The following GALNT17 variants were observed in gnomAD, a reference collection of about 807,000 sequenced individuals.
GALNT17 encodes UDP-GalNAc:polypeptide N-acetylgalactosaminyltransferase-like 3.
A neutral mutation model predicts 63.7 loss-of-function variants in GALNT17; 29 were observed. That is an observed-to-expected ratio of 0.46 (90% CI 0.34 to 0.62). The LOEUF (loss-of-function observed/expected upper bound fraction) is 0.62, where lower values mean the gene tolerates loss of function less well. Ranked by LOEUF, GALNT17 falls within the 20% of genes least tolerant of loss-of-function variation. The probability of loss-of-function intolerance (pLI) is 0.01; values close to 1 mark genes in which losing one functional copy is unlikely to be tolerated. For missense variants in GALNT17, 603 were observed against 799.6 expected (o/e 0.75, Z 2.97); for synonymous variants, 305 against 318.3 (o/e 0.96, Z 0.45).
At chr7:71,557,989 G>A (rs1015174277) in intron 5 of GALNT17, among the ~76,000 whole-genome samples, 1 of 152,002 alleles carries the variant, frequency 6.6e-6, no homozygotes, top group Admixed American at 6.6e-5. Context: ...CAGGAGAATG[G>A]TTTGAACCCA....
chr7:71,616,329 A>G (rs1340693323), intron 6 of GALNT17, among the ~76,000 whole-genome samples: 1 of 151,098 alleles, frequency 6.6e-6, no homozygotes, highest in East Asian at 1.9e-4. Flanking sequence ...TCTTGTCCTC[A>G]CTCGCTCCTC....
intron 3 of GALNT17, among the ~76,000 whole-genome samples, chr7:71,407,529 C>G (rs911795121): frequency 6.6e-6 from 1 of 152,164 alleles, no homozygotes. Context: ...AGGAGCATCA[C>G]TTGAGCCCAG....
intron 6 of GALNT17, among the ~76,000 whole-genome samples, chr7:71,602,745 T>C (rs959466600): frequency 1.6e-4 from 24 of 152,104 alleles, no homozygotes; most frequent in African/African-American, 5.8e-4. Flanking sequence ...CAGTGAAATA[T>C]CTGTGTGAGT....
intron 5 of GALNT17, among the ~76,000 whole-genome samples, chr7:71,486,454 G>A (rs1787911817): frequency 6.6e-6 from 1 of 151,324 alleles, no homozygotes; most frequent in African/African-American, 2.4e-5. Context: ...ATGACTTCCT[G>A]GATTGTTGAG....
rs557008654 is a variant in GALNT17, at chr7:71,153,764, A to G, written c.238+20724A>G. ...AAACCCAGTCTCTACTAAAAATACA[A>G]AAATTAGCCAGTCGTGGTGGCGGGC... On this transcript the variant is annotated intron_variant, in intron 1 of 10. Coordinates refer to ENST00000333538, the MANE Select transcript of GALNT17 (RefSeq NM_022479.3). Among the ~76,000 whole-genome samples, 14 of 152,102 alleles carry G rather than the reference A, an allele frequency of 9.2e-5. No individual in the cohort carries two copies. The South Asian group carries it at 2.7e-3, about 29-fold the overall frequency.
chr7:71,258,187 T>C (rs538594752), intron 1 of GALNT17, among the ~76,000 whole-genome samples: 1 of 152,308 alleles, frequency 6.6e-6, no homozygotes, highest in South Asian at 2.1e-4. Flanking sequence ...GTATAGAACA[T>C]AGGGCCAGGC....
At chr7:71,471,408 A>AAAAC (rs1563117610) in intron 5 of GALNT17, among the ~76,000 whole-genome samples, 2 of 149,238 alleles carry the variant, frequency 1.3e-5, no homozygotes, top group South Asian at 2.1e-4. Flanking sequence ...CCAAAAAAAA[A>AAAAC]AAAAAACAAA....
At chr7:71,267,929 G>T (rs550652147) in intron 1 of GALNT17, among the ~76,000 whole-genome samples, 50 of 151,652 alleles carry the variant, frequency 3.3e-4, no homozygotes, top group African/African-American at 1.2e-3. Context: ...AGAACTGCAG[G>T]TTTCTTTACT....
At chr7:71,665,146 T>C (rs1029683825) in intron 6 of GALNT17, among the ~76,000 whole-genome samples, 1 of 152,012 alleles carries the variant, frequency 6.6e-6, no homozygotes, top group Non-Finnish European at 1.5e-5. Context: ...CTGGCTAACT[T>C]TTCTATCTTT....
chr7:71,556,945 C>G (rs59543111), intron 5 of GALNT17, among the ~76,000 whole-genome samples: 47,750 of 151,462 alleles, frequency 0.32, 7,763 homozygotes, highest in African/African-American at 0.37. Flanking sequence ...TTAAAGTGAC[C>G]GGTTCTTTCT....
chr7:71,423,356 A>C (rs907850853), intron 5 of GALNT17, among the ~76,000 whole-genome samples: 7 of 152,106 alleles, frequency 4.6e-5, no homozygotes, highest in Non-Finnish European at 7.4e-5. Flanking sequence ...ATTTGGGGAA[A>C]AGGGCTTGGT....
At chr7:71,222,323 G>A (rs374477542) in intron 1 of GALNT17, among the ~76,000 whole-genome samples, 3 of 152,116 alleles carry the variant, frequency 2.0e-5, no homozygotes, top group Non-Finnish European at 4.4e-5. Flanking sequence ...TCTAATCTGA[G>A]CCTCACACAC....
intron 1 of GALNT17, among the ~76,000 whole-genome samples, chr7:71,204,999 G>A (rs1000404840): frequency 6.6e-6 from 1 of 151,846 alleles, no homozygotes; most frequent in Non-Finnish European, 1.5e-5. Flanking sequence ...ACCTGTCTTG[G>A]CCACCCAAAA....
chr7:71,366,615 C>T (rs1792515381), intron 2 of GALNT17, among the ~76,000 whole-genome samples: 1 of 152,048 alleles, frequency 6.6e-6, no homozygotes, highest in Admixed American at 6.6e-5. Flanking sequence ...TCTTCAAGCC[C>T]CAGCCCCAGA....
chr7:71,306,493 C>G (rs9638620), intron 1 of GALNT17, among the ~76,000 whole-genome samples: 40,810 of 151,820 alleles, frequency 0.27, 6,205 homozygotes, highest in East Asian at 0.49. Context: ...AGTAATTGTC[C>G]TTTTGTGACT....
At chr7:71,600,095 C>A (rs1584081014) in intron 6 of GALNT17, among the ~76,000 whole-genome samples, 1 of 152,030 alleles carries the variant, frequency 6.6e-6, no homozygotes, top group Middle Eastern at 3.4e-3. Context: ...AATACGCCCC[C>A]CACCTCAAGG....
At chr7:71,460,059 C>T (rs966910753) in intron 5 of GALNT17, among the ~76,000 whole-genome samples, 1 of 152,158 alleles carries the variant, frequency 6.6e-6, no homozygotes, top group African/African-American at 2.4e-5. Context: ...AGTGATGTCT[C>T]ATGCCTCCCT....
chr7:71,166,237 C>T (rs1788438822), intron 1 of GALNT17, among the ~76,000 whole-genome samples: 1 of 152,192 alleles, frequency 6.6e-6, no homozygotes, highest in Non-Finnish European at 1.5e-5. Flanking sequence ...GCAAGTAGTT[C>T]TGAATTTCCT....
At chr7:71,471,077 G>A (rs1787619755) in intron 5 of GALNT17, among the ~76,000 whole-genome samples, 1 of 151,428 alleles carries the variant, frequency 6.6e-6, no homozygotes, top group East Asian at 1.9e-4. Flanking sequence ...TCTTTTTTCT[G>A]TTTTTGTTTT....
Sources: gnomAD v4.1 joint callset for allele counts (sites outside exome capture counted in the v4.1 genomes callset) on GRCh38, gnomAD v4.1.1 for gene constraint, MANE v1.5 for transcripts, NCBI Gene and HGNC (gene_info 2026-07-23, HGNC 2026-07-21) for gene names.